Variants in WDR76 observed in about 807,000 individuals in gnomAD.
WDR76 encodes the protein WD repeat-containing protein 76.
Under a neutral mutation model 70.2 loss-of-function variants are expected in WDR76, and 52 were observed. The observed-to-expected ratio is 0.74, with a 90% CI of 0.59 to 0.93. The LOEUF is 0.93. WDR76 is among the 40% of genes least tolerant of loss of function. The probability of loss-of-function intolerance (pLI) is 0.00; values close to 1 mark genes in which losing one functional copy is unlikely to be tolerated. For missense variants in WDR76, 756 were observed against 760.2 expected, an observed-to-expected ratio of 0.99 and a Z score of 0.07; for synonymous variants, 292 against 271.1, an observed-to-expected ratio of 1.08 and a Z score of -0.76.
chr15:43,836,058 T>C, intron 3 of WDR76, 103 bp from the exon 4 acceptor site: 1 of 1,021,730 alleles, frequency 9.8e-7, no homozygotes, highest in South Asian at 2.1e-5. Flanking sequence ...CTTTAGTTCC[T>C]GAATAGACCT....
chr15:43,850,430 G>A (rs1259723925), intron 8 of WDR76, among the ~76,000 whole-genome samples: 1 of 151,968 alleles, frequency 6.6e-6, no homozygotes, highest in African/African-American at 2.4e-5. Context: ...CGAGTAGATG[G>A]GACTACAGGT....
chr15:43,866,612 G>A lies in WDR76; in HGVS notation c.*220G>A. ...AGGGAATTTGAGGGGAGGCTGAGGT[G>A]CCGTCAGGACTTTTTTTTTTTTTTT... On this transcript the variant is annotated 3_prime_UTR_variant, in exon 13 of 13. Transcript: ENST00000263795. 1 of 444,432 alleles carries A rather than the reference G, an allele frequency of 2.3e-6. No individual in the cohort carries two copies. The highest frequency in any genetic ancestry group is 3.9e-6 in the Non-Finnish European group (1 of 256,826). The allele number at this position is 444,432 out of a possible 1,614,324, so 27.5% of individuals were successfully genotyped here.
intron 2 of WDR76, among the ~76,000 whole-genome samples, chr15:43,829,728 G>T (rs2087563628): frequency 6.6e-6 from 1 of 151,178 alleles, no homozygotes; most frequent in Non-Finnish European, 1.5e-5. Flanking sequence ...GGATGGTCTC[G>T]ATCTCCTGAC....
At chr15:43,855,300 T>C (rs1016990418) in intron 9 of WDR76, among the ~76,000 whole-genome samples, 5 of 152,192 alleles carry the variant, frequency 3.3e-5, no homozygotes, top group Admixed American at 6.5e-5. Context: ...AGTAATGTTA[T>C]TGCATTTAAC....
Position 43,861,378 on chromosome 15 carries a change from C to T in WDR76, c.1608C>T (p.Thr536=), listed in dbSNP as rs546658756. 9 of 1,613,868 alleles carry T rather than the reference C, an allele frequency of 5.6e-6. No individual in the cohort carries two copies. The South Asian group carries it at 9.9e-5, about 18-fold the overall frequency. ...SCISSKIPLL[T]TIRHNTFTGR... is the part of the protein sequence containing the mutation. ...TATCTTCTAAGATTCCGCTCCTCAC[C>T]ACCATCAGGTAGGCTTCTATATGCC... Residue 536 remains threonine, a synonymous_variant, in exon 12 of 13, where the codon ACC becomes ACT. Coordinates refer to ENST00000263795, the MANE Select transcript of WDR76 (RefSeq NM_024908.4).
chr15:43,828,322 A>T lies in WDR76; in HGVS notation c.418A>T (p.Ser140Cys). The change falls in exon 2 of 13, where the codon AGT becomes TGT. Residue 140 changes from serine to cysteine, a missense_variant. Ser to Cys is a moderately radical substitution (Grantham distance 112, BLOSUM62 -1). Transcript: ENST00000263795. ...DAMNLSVDVE[S>C]SQDGDSDEDT... Reference sequence around the variant, plus strand: ...GATGAATCTCAGTGTTGATGTGGAAAGTAGTCAGGATGGAGACAGTGATGA... The same window carrying T: ...GATGAATCTCAGTGTTGATGTGGAATGTAGTCAGGATGGAGACAGTGATGA... 1 of 1,614,038 alleles carries T rather than the reference A, an allele frequency of 6.2e-7. No individual in the cohort carries two copies. Among genetic ancestry groups the T allele is most frequent in the Non-Finnish European group, 8.5e-7 (1 of 1,180,042 alleles).
chr15:43,854,963 AAAAG>A (rs1041847560), intron 9 of WDR76, among the ~76,000 whole-genome samples: 4 of 152,080 alleles, frequency 2.6e-5, no homozygotes, highest in African/African-American at 9.7e-5. Context: ...AAAAAAAAAA[AAAAG>A]AAATTTTCCA....
chr15:43,859,938 C>T (rs936959471), intron 11 of WDR76, among the ~76,000 whole-genome samples: 1 of 152,188 alleles, frequency 6.6e-6, no homozygotes, highest in Non-Finnish European at 1.5e-5. Context: ...CTAGACTCCT[C>T]TCCAACTGCT....
At chr15:43,839,907 G>A (rs561179064) in intron 5 of WDR76, among the ~76,000 whole-genome samples, 179 bp downstream of exon 5, 1 of 152,186 alleles carries the variant, frequency 6.6e-6, no homozygotes, top group East Asian at 1.9e-4. Context: ...GCCCAGACTG[G>A]AGTGCAGTGG....
chr15:43,858,947 CAT>C, intron 11 of WDR76, 124 bp downstream of exon 11: 5 of 1,237,090 alleles, frequency 4.0e-6, no homozygotes, highest in Non-Finnish European at 5.6e-6. Context: ...GTTTAGTAGT[CAT>C]ATGTAGGTTC....
chr15:43,856,998 A>T lies in WDR76; in HGVS notation c.1244A>T (p.Asp415Val). 1 of 1,614,142 alleles carries T rather than the reference A, an allele frequency of 6.2e-7. No homozygotes were observed. The highest frequency in any genetic ancestry group is 8.5e-7 in the Non-Finnish European group (1 of 1,180,006). ...TCCTCCTTCGACTTCTTGGCAGAAG[A>T]TGCCTCCACTTTAATAGTAGGACAC... Reference protein sequence around the residue: ...SFSSFDFLAEDASTLIVGHWD... With the variant: ...SFSSFDFLAEVASTLIVGHWD... The change falls in exon 10 of 13, where the codon GAT becomes GTT. Residue 415 changes from aspartate (D) to valine (V), a missense_variant. Physicochemically the swap from Asp to Val is radical, Grantham distance 152. Coordinates refer to ENST00000263795, the MANE Select transcript of WDR76 (RefSeq NM_024908.4).
rs1227349796 is a variant in WDR76 at position 43,836,166 on chromosome 15, T to C, written c.558T>C (p.Ala186=). The change falls in exon 4 of 13, where the codon GCT becomes GCC. Residue 186 remains alanine (A), a synonymous_variant. Coordinates refer to ENST00000263795, the MANE Select transcript of WDR76 (RefSeq NM_024908.4). The part of the protein sequence containing the change: ...FFASLQLSES[A]ARLREMIEKR... ...ATGATTTTTATACTTTACAGTCTGC[T>C]GCAAGACTCCGTGAAATGATAGAGA... The C allele has an allele frequency of 6.2e-7, 1 of 1,608,284 alleles. No individual in the cohort carries two copies. Among genetic ancestry groups the C allele is most frequent in the South Asian group, 1.1e-5 (1 of 89,322 alleles).
In WDR76 at chr15:43,828,230, TGC is replaced by T. The variant is rs1205186317; in HGVS notation, c.327_328del (p.Gln110LysfsTer9). On this transcript the variant is annotated frameshift_variant, in exon 2 of 13. Coordinates refer to ENST00000263795, the MANE Select transcript of WDR76 (RefSeq NM_024908.4). LOFTEE classifies it high-confidence loss of function. ...ACATCTTCCAAGGCAGAATCCACGC[TGC>T]AAAATTCATCCTCAGCTGTTCATAC... 1 of 1,614,068 alleles carries T rather than the reference TGC, an allele frequency of 6.2e-7. No homozygotes were observed. The highest frequency in any genetic ancestry group is 8.5e-7 in the Non-Finnish European group (1 of 1,180,040).
chr15:43,845,030 C>T (rs113759634), intron 8 of WDR76, among the ~76,000 whole-genome samples: 22,959 of 135,382 alleles, frequency 0.17, 2,869 homozygotes, highest in African/African-American at 0.29. Context: ...GGTGTGATCT[C>T]GGCTCACTGC....
In WDR76 at chr15:43,857,085, C is replaced by A. The variant is rs779575395; in HGVS notation, c.1331C>A (p.Thr444Asn). Residue 444 changes from threonine (T) to asparagine (N), a missense_variant, in exon 10 of 13, where the codon ACC becomes AAC. Physicochemically the swap from Thr to Asn is moderately conservative, Grantham distance 65. Transcript: ENST00000263795. ...CCTGGAACTTCTTATGAGAAACTTA[C>A]CAGTTCTTCTATGGGAAAAATAAGA... The part of the protein sequence containing the change: ...RTPGTSYEKL[T>N]SSSMGKIRTV... 5 of 1,613,960 alleles carry A rather than the reference C, an allele frequency of 3.1e-6. No homozygotes were observed. Among genetic ancestry groups the A allele is most frequent in the Non-Finnish European group, 4.2e-6 (5 of 1,180,006 alleles).
At chr15:43,862,608 A>G (rs1338739578) in intron 12 of WDR76, among the ~76,000 whole-genome samples, 3 of 150,154 alleles carry the variant, frequency 2.0e-5, no homozygotes, top group Non-Finnish European at 4.4e-5. Context: ...TCCCTGGTTC[A>G]TGCCATTCTC....
intron 2 of WDR76, among the ~76,000 whole-genome samples, chr15:43,832,714 G>C (rs1354232842): frequency 6.8e-6 from 1 of 146,678 alleles, no homozygotes; most frequent in African/African-American, 2.5e-5. Context: ...TTGGATTACA[G>C]GCATGAGCCA....
intron 8 of WDR76, among the ~76,000 whole-genome samples, chr15:43,845,990 G>A (rs2087783903): frequency 6.7e-6 from 1 of 150,072 alleles, no homozygotes; most frequent in Non-Finnish European, 1.5e-5. Context: ...GATGTGAGTG[G>A]GGATAGGAGG....
chr15:43,851,340 G>A, intron 9 of WDR76, 95 bp downstream of exon 9: 1 of 1,514,768 alleles, frequency 6.6e-7, no homozygotes, highest in Non-Finnish European at 9.0e-7. Flanking sequence ...GGGAGAAGTG[G>A]TATAGCAGAA....
Sources: gnomAD v4.1 joint callset for allele counts (sites outside exome capture counted in the v4.1 genomes callset) on GRCh38, gnomAD v4.1.1 for gene constraint, MANE v1.5 for transcripts, NCBI Gene and HGNC (gene_info 2026-07-23, HGNC 2026-07-21) for gene names.